Variants in NOC3L observed in about 807,000 individuals in gnomAD.
NOC3L encodes NOC3 like DNA replication regulator, also known as nucleolar complex protein 3 homolog.
Under a neutral mutation model 102.5 loss-of-function variants are expected in NOC3L, and 85 were observed. That is an observed-to-expected ratio of 0.83 (90% CI 0.70 to 0.99). The LOEUF (loss-of-function observed/expected upper bound fraction) is 0.99. Among genes scored for constraint, NOC3L ranks in the 50% least tolerant of loss-of-function variants. NOC3L has a pLI of 0.00. For missense variants in NOC3L, 878 were observed against 914.9 expected (o/e 0.96, Z 0.52); for synonymous variants, 303 against 309.4 (o/e 0.98, Z 0.22).
chr10:94,334,476 T>A (rs1445591164), intron 20 of NOC3L, among the ~76,000 whole-genome samples, 158 bp downstream of exon 20: 1 of 151,996 alleles, frequency 6.6e-6, no homozygotes, highest in African/African-American at 2.4e-5. Context: ...TTCATGATCA[T>A]CTCTATAGAA....
Position 94,339,643 on chromosome 10 carries a change from T to C in NOC3L, c.1962+96A>G, listed in dbSNP as rs116351445. The C allele has an allele frequency of 7.4e-4, 729 of 981,168 alleles. 4 individuals carry two copies. The African/African-American group carries it at 0.01, about 14-fold the overall frequency. 60.8% of individuals were successfully genotyped at this position (981,168 alleles called of 1,614,324 possible). A position where few individuals can be genotyped will look rare whatever the true frequency, so the allele number is the denominator to read the frequency against. The stretch of plus-strand genomic sequence containing the variant: ...TTACAAGTGTGAATTACTTCTGTAA[T>C]TGAAATAATATAAAAGGGGGGAAAA... On this transcript the variant is annotated intron_variant, in intron 17 of 20. Transcript: ENST00000371361.
chr10:94,353,720 T>C, intron 6 of NOC3L, among the ~76,000 whole-genome samples: 1 of 152,208 alleles, frequency 6.6e-6, no homozygotes, highest in East Asian at 1.9e-4. Flanking sequence ...ATTTAGCTAT[T>C]TTGGGAAATT....
chr10:94,340,495 T>C lies in NOC3L; in HGVS notation c.1646A>G (p.Asp549Gly). Residue 549 changes from aspartate (D) to glycine (G), a missense_variant and splice_region_variant, in exon 15 of 21, where the codon GAC becomes GGC. By Grantham distance (94) the Asp-to-Gly change is moderately conservative (BLOSUM62 -1). Coordinates refer to ENST00000371361, the MANE Select transcript of NOC3L (RefSeq NM_022451.11). The part of the protein sequence containing the change: ...VVLHTLIESG[D>G]LSYQESLHCV... ...GTGAAGACTTTCTTGATAGCTTAGG[T>C]CCTTTAAAAAAAAAAGGGGGGGGTG... 2.7e-6 allele frequency: 2 copies of C among 728,646 alleles called. No individual in the cohort carries two copies. The highest frequency in any genetic ancestry group is 4.4e-6 in the Non-Finnish European group (2 of 452,732). The allele number at this position is 728,646 out of a possible 1,614,324, so 45.1% of individuals were successfully genotyped here. A position where few individuals can be genotyped will look rare whatever the true frequency, so the allele number is the denominator to read the frequency against.
the NOC3L span, chr10:94,325,002 C>G: frequency 1.2e-6 from 2 of 1,614,156 alleles, no homozygotes; most frequent in East Asian, 4.5e-5. Context: ...AGCTCTTGAC[C>G]TCAGAAAGTA....
chr10:94,342,553 TAC>T (rs3052367), intron 13 of NOC3L, among the ~76,000 whole-genome samples: 1,935 of 148,110 alleles, frequency 0.013, 15 homozygotes, highest in Middle Eastern at 0.028. Flanking sequence ...TGCATGAAGA[TAC>T]ACACACACAC....
chr10:94,339,669 G>C (rs2054259227), intron 17 of NOC3L, 70 bp downstream of exon 17: 5 of 1,220,456 alleles, frequency 4.1e-6, no homozygotes, highest in Non-Finnish European at 5.7e-6. Flanking sequence ...GGGGGGAAAA[G>C]ACATGCCTCA....
rs772268128 is a variant in NOC3L at position 94,339,816 on chromosome 10, G to A, written c.1885C>T (p.Arg629Cys). 6.8e-6 allele frequency: 11 copies of A among 1,614,164 alleles called. No individual in the cohort carries two copies. Among genetic ancestry groups the A allele is most frequent in the African/African-American group, 2.7e-5 (2 of 75,050 alleles). The change falls in exon 17 of 21, where the codon CGC becomes TGC. Residue 629 changes from arginine (R) to cysteine (C), a missense_variant. Coordinates refer to ENST00000371361, the MANE Select transcript of NOC3L (RefSeq NM_022451.11). ...ACATGAAGAGCAAGGGTACAAAGGC[G>A]TTTGATGAAGGCAAGAGCTCGCTGC... is the stretch of plus-strand genomic sequence containing the variant. ...SQQRALAFIK[R>C]LCTLALHVLP...
intron 19 of NOC3L, among the ~76,000 whole-genome samples, chr10:94,337,357 C>CAAAAAA (rs71031571): frequency 7.6e-6 from 1 of 131,546 alleles, no homozygotes; most frequent in South Asian, 2.4e-4. Flanking sequence ...CAGGGCCATT[C>CAAAAAA]AAAAAAAAAA....
chr10:94,327,918 T>C, the NOC3L span: 3 of 513,096 alleles, frequency 5.8e-6, no homozygotes, highest in Non-Finnish European at 1.2e-5. Context: ...CAAGTGTTTC[T>C]GTTTCTTCAT....
chr10:94,322,071 T>C, the NOC3L span: 38 of 1,612,982 alleles, frequency 2.4e-5, no homozygotes, highest in Non-Finnish European at 3.1e-5. Context: ...TAAAAGCCTC[T>C]CCCTTCCTCA....
In NOC3L at chr10:94,334,251, T is replaced by G; in HGVS notation, c.2329A>C (p.Lys777Gln). The change falls in exon 21 of 21, where the codon AAA becomes CAA. Residue 777 changes from lysine (K) to glutamine (Q), a missense_variant. Lys to Gln is a moderately conservative substitution (Grantham distance 53). Transcript: ENST00000371361. ...FLNEDLNQLIKRYSSEVATES... is the reference protein window; with the variant it reads ...FLNEDLNQLIQRYSSEVATES... The stretch of plus-strand genomic sequence containing the variant: ...GTAGCAACTTCACTGGAGTATCTTT[T>G]GATTAGCTGATTTAAATCTTCATTC... The G allele has an allele frequency of 6.2e-7, 1 of 1,611,592 alleles. No individual in the cohort carries two copies. Among genetic ancestry groups the G allele is most frequent in the Non-Finnish European group, 8.5e-7 (1 of 1,178,656 alleles).
At chr10:94,337,727 G>T in intron 19 of NOC3L, 50 bp downstream of exon 19, 1 of 1,214,284 alleles carries the variant, frequency 8.2e-7, no homozygotes, top group Non-Finnish European at 1.2e-6. Context: ...ATAGTAAGTG[G>T]CTATCAGCTC....
the NOC3L span, chr10:94,316,811 T>C: frequency 1.5e-6 from 2 of 1,305,110 alleles, no homozygotes; most frequent in Non-Finnish European, 2.2e-6. Flanking sequence ...TGATTAGCCA[T>C]TTACCACTCA....
intron 11 of NOC3L, among the ~76,000 whole-genome samples, chr10:94,345,835 A>G (rs2133994792): frequency 6.6e-6 from 1 of 152,292 alleles, no homozygotes; most frequent in Middle Eastern, 3.4e-3. Context: ...ATGTGATGAT[A>G]ACAATAATAG....
At chr10:94,334,830 G>C in intron 19 of NOC3L, 112 bp from the exon 20 acceptor site, 2 of 753,062 alleles carry the variant, frequency 2.7e-6, no homozygotes, top group Non-Finnish European at 4.4e-6. Flanking sequence ...TAAGGTATAA[G>C]ATTTGAAACT....
chr10:94,360,041 G>A (rs2054534539), intron 2 of NOC3L, among the ~76,000 whole-genome samples: 1 of 152,166 alleles, frequency 6.6e-6, no homozygotes, highest in Admixed American at 6.5e-5. Context: ...TACGGGGCCA[G>A]GCGCGGTGGC....
intron 9 of NOC3L, 40 bp downstream of exon 9, chr10:94,350,073 T>G: frequency 6.2e-7 from 1 of 1,605,684 alleles, no homozygotes; most frequent in Non-Finnish European, 8.5e-7. Flanking sequence ...GGTGTATAAT[T>G]TTCTAAGGAG....
chr10:94,360,676 T>C (rs1430702832), intron 2 of NOC3L, among the ~76,000 whole-genome samples: 1 of 152,182 alleles, frequency 6.6e-6, no homozygotes, highest in African/African-American at 2.4e-5. Flanking sequence ...ATTTATTTTA[T>C]GTTTTAAAAT....
chr10:94,319,388 A>G, the NOC3L span, among the ~76,000 whole-genome samples: 14 of 152,240 alleles, frequency 9.2e-5, no homozygotes, highest in East Asian at 3.8e-4. Context: ...GATTTGGGCT[A>G]TAAGTATTTC....
Sources: gnomAD v4.1 joint callset for allele counts (sites outside exome capture counted in the v4.1 genomes callset) on GRCh38, gnomAD v4.1.1 for gene constraint, MANE v1.5 for transcripts, NCBI Gene and HGNC (gene_info 2026-07-23, HGNC 2026-07-21) for gene names.